Variants in SCN10A observed in about 807,000 individuals in gnomAD.
SCN10A encodes sodium voltage-gated channel alpha subunit 10, also known as sodium channel protein type 10 subunit alpha.
A neutral mutation model predicts 170.7 loss-of-function variants in SCN10A; 162 were observed. That is an observed-to-expected ratio of 0.95 (90% confidence interval 0.84 to 1.08). The LOEUF (loss-of-function observed/expected upper bound fraction) is 1.08. Among genes scored for constraint, SCN10A ranks in the 50% least tolerant of loss-of-function variants. The pLI, the probability that SCN10A is intolerant of heterozygous loss-of-function variation, is 0.00. For synonymous variants in SCN10A, 985 were observed against 904.6 expected, an observed-to-expected ratio of 1.09 and a Z score of -1.59; for missense variants, 2,527 against 2,436.9, an observed-to-expected ratio of 1.04 and a Z score of -0.78.
At chr3:38,737,816 C>CTTTCTTTCTTTCTTTCTTTCTT (rs2063584724) in intron 15 of SCN10A, among the ~76,000 whole-genome samples, 2 of 119,924 alleles carry the variant, frequency 1.7e-5, no homozygotes, top group African/African-American at 3.7e-5. Flanking sequence ...TTCTTTCTTT[C>CTTTCTTTCTTTCTTTCTTTCTT]TTTCTTTCTT....
In SCN10A at chr3:38,749,938, A is replaced by G. The variant is rs1438092765; in HGVS notation, c.1867+135T>C. On this transcript the variant is annotated intron_variant, in intron 13 of 27. Transcript: ENST00000449082. ...GATAAAAGATGGTGGGGCCTAAGACATAAGAATGAGGAGTATTAGGAATTC... is the reference window on the plus strand; with the variant it reads ...GATAAAAGATGGTGGGGCCTAAGACGTAAGAATGAGGAGTATTAGGAATTC... The G allele has an allele frequency of 9.8e-6, 5 of 510,156 alleles. No individual in the cohort carries two copies. The East Asian group carries it at 1.6e-4, about 16-fold the overall frequency. The allele number at this position is 510,156 out of a possible 1,614,324, so 31.6% of individuals were successfully genotyped here. A position where few individuals can be genotyped will look rare whatever the true frequency, so the allele number is the denominator to read the frequency against.
chr3:38,798,495 G>C (rs1280233344), intron 1 of SCN10A, among the ~76,000 whole-genome samples: 1 of 152,178 alleles, frequency 6.6e-6, no homozygotes, highest in African/African-American at 2.4e-5. Context: ...GTTGAATGTA[G>C]TGGGGAAAGC....
At chr3:38,799,817 T>TAAA (rs2064361042) in intron 1 of SCN10A, among the ~76,000 whole-genome samples, 1 of 152,148 alleles carries the variant, frequency 6.6e-6, no homozygotes, top group Middle Eastern at 3.2e-3. Context: ...TTACTTCAAG[T>TAAA]GTGTCTTGCA....
rs1297287837 is a variant in SCN10A at position 38,792,652 on chromosome 3, G to C, written c.271-484C>G. 3.3e-5 allele frequency among the ~76,000 whole-genome samples: 5 copies of C among 152,330 alleles called. No homozygotes were observed. In the East Asian group the frequency reaches 7.7e-4, roughly 24 times the overall value. On this transcript the variant is annotated intron_variant, in intron 2 of 27. Coordinates refer to ENST00000449082, the MANE Select transcript of SCN10A (RefSeq NM_006514.4). ...AGGAGGATATGAACTCTTGGCATGG[G>C]AGAGGAGGAAGAAAGATATTCAGTG...
chr3:38,715,350 C>T (rs556708490), intron 21 of SCN10A, among the ~76,000 whole-genome samples: 1 of 152,118 alleles, frequency 6.6e-6, no homozygotes, highest in Admixed American at 6.5e-5. Flanking sequence ...AGTCTCCAGG[C>T]CCTAGTACTG....
chr3:38,764,337 C>T (rs1394337087), intron 5 of SCN10A, among the ~76,000 whole-genome samples: 1 of 152,136 alleles, frequency 6.6e-6, no homozygotes, highest in Non-Finnish European at 1.5e-5. Context: ...GTACACTGTA[C>T]CCAGTGTGTA....
rs770705124 is a variant in SCN10A, at chr3:38,714,004, C to T, written c.3758G>A (p.Arg1253His). 28 of 1,613,960 alleles carry T rather than the reference C, an allele frequency of 1.7e-5. No individual in the cohort carries two copies. The highest frequency in any genetic ancestry group is 4.5e-5 in the East Asian group (2 of 44,884). ...AAGAGCCCGCAGTGGCCGCAGAGCGCGAAGGGTTCGAAGGGCTTTGATGGG... is the reference window on the plus strand; with the variant it reads ...AAGAGCCCGCAGTGGCCGCAGAGCGTGAAGGGTTCGAAGGGCTTTGATGGG... ...VAPIKALRTL[R>H]ALRPLRALSR... Residue 1253 changes from arginine (R) to histidine (H), a missense_variant, in exon 22 of 28, where the codon CGC becomes CAC. Physicochemically the swap from Arg to His is conservative, Grantham distance 29. Coordinates refer to ENST00000449082, the MANE Select transcript of SCN10A (RefSeq NM_006514.4).
rs79217981 is a variant in SCN10A, at chr3:38,721,343, T to C, written c.3507+915A>G. Among the ~76,000 whole-genome samples, 446 of 152,300 alleles carry C rather than the reference T, an allele frequency of 2.9e-3. 12 individuals are homozygous for C. In the East Asian group the frequency reaches 0.079, roughly 27 times the overall value. The stretch of plus-strand genomic sequence containing the variant: ...TAATTAGCTGCCACCCTGAACTCTC[T>C]ATTCCCAGCCCTTCAACTAATTACC... On this transcript the variant is annotated intron_variant, in intron 20 of 27. Transcript: ENST00000449082.
At position 38,742,396 on chromosome 3, in the gene SCN10A, T is replaced by A; in HGVS notation, c.2001A>T (p.Ala667=). 1.2e-6 allele frequency: 2 copies of A among 1,614,180 alleles called. No individual in the cohort carries two copies. Among genetic ancestry groups the A allele is most frequent in the Non-Finnish European group, 1.7e-6 (2 of 1,180,022 alleles). Residue 667 remains alanine, a synonymous_variant, in exon 14 of 28, where the codon GCA becomes GCT. Coordinates refer to ENST00000449082, the MANE Select transcript of SCN10A (RefSeq NM_006514.4). ...CGATGCACAAGGTGATGGTGAGCTC[T>A]GCAAAGGGATCCGTCACAAGCCCAA... ...ILFGLVTDPF[A]ELTITLCIVV...
At chr3:38,717,859 A>G (rs746281239) in intron 21 of SCN10A, among the ~76,000 whole-genome samples, 2 of 152,246 alleles carry the variant, frequency 1.3e-5, no homozygotes, top group Non-Finnish European at 2.9e-5. Context: ...CAAAGCAAAG[A>G]AGGTAGTGGC....
intron 21 of SCN10A, among the ~76,000 whole-genome samples, chr3:38,716,224 A>G (rs2063332514): frequency 6.6e-6 from 1 of 152,092 alleles, no homozygotes; most frequent in Non-Finnish European, 1.5e-5. Flanking sequence ...ATCTTATAAC[A>G]TCATTTTGTA....
In SCN10A at chr3:38,725,186, C is replaced by T. The variant is rs1403342008; in HGVS notation, c.3216G>A (p.Gln1072=). The T allele has an allele frequency of 6.3e-7, 1 of 1,599,776 alleles. No homozygotes were observed. Among genetic ancestry groups the T allele is most frequent in the Non-Finnish European group, 8.6e-7 (1 of 1,169,124 alleles). The part of the protein sequence containing the change: ...GETWKDESVP[Q]VPAEGVDDTS... Reference sequence around the variant, plus strand: ...CTGACATACCTACCTCAGCAGGGACCTGAGGAACAGACTCATCTTTCCACG... The same window carrying T: ...CTGACATACCTACCTCAGCAGGGACTTGAGGAACAGACTCATCTTTCCACG... The change falls in exon 18 of 28, where the codon CAG becomes CAA. Residue 1072 remains glutamine (Q), a synonymous_variant. Transcript: ENST00000449082.
chr3:38,787,209 A>G (rs2064215962), intron 4 of SCN10A, among the ~76,000 whole-genome samples: 1 of 152,154 alleles, frequency 6.6e-6, no homozygotes, highest in African/African-American at 2.4e-5. Context: ...CACAATACTT[A>G]TTATAATTTT....
intron 5 of SCN10A, among the ~76,000 whole-genome samples, chr3:38,770,613 C>A (rs140788096): frequency 6.6e-6 from 1 of 152,244 alleles, no homozygotes; most frequent in East Asian, 1.9e-4. Flanking sequence ...CCTACTCAGA[C>A]CTTGCCCCAG....
chr3:38,773,365 G>A (rs993231600), intron 4 of SCN10A, among the ~76,000 whole-genome samples: 2 of 152,050 alleles, frequency 1.3e-5, no homozygotes, highest in Admixed American at 6.6e-5. Context: ...GCGATCCAGG[G>A]AAGAGGCAAA....
chr3:38,709,673 C>G, intron 24 of SCN10A, 58 bp from the exon 25 acceptor site: 1 of 1,461,952 alleles, frequency 6.8e-7, no homozygotes, highest in Non-Finnish European at 9.1e-7. Flanking sequence ...CAGGTTCACT[C>G]TGAAAGCCAA....
chr3:38,771,549 A>G, intron 4 of SCN10A, 142 bp from the exon 5 acceptor site: 1 of 793,858 alleles, frequency 1.3e-6, no homozygotes, highest in Non-Finnish European at 2.0e-6. Flanking sequence ...GATGAGGGGG[A>G]AGAAGGTAAG....
At chr3:38,712,137 T>C (rs767293664) in intron 23 of SCN10A, 24 bp downstream of exon 23, 7 of 1,610,860 alleles carry the variant, frequency 4.3e-6, no homozygotes, top group Middle Eastern at 1.7e-4. Context: ...GCAAGAGATA[T>C]GGTTGATCTC....
chr3:38,698,005 C>T lies in SCN10A; in HGVS notation c.5215G>A (p.Asp1739Asn). 1 of 1,614,162 alleles carries T rather than the reference C, an allele frequency of 6.2e-7. No homozygotes were observed. The highest frequency in any genetic ancestry group is 8.5e-7 in the Non-Finnish European group (1 of 1,180,038). The part of the protein sequence containing the change: ...TEESTEPLSE[D>N]DFDMFYETWE... Reference sequence around the variant, plus strand: ...GTCTCATAGAACATGTCAAAGTCGTCCTCACTCAGGGGCTCAGTGCTCTCC... The same window carrying T: ...GTCTCATAGAACATGTCAAAGTCGTTCTCACTCAGGGGCTCAGTGCTCTCC... Residue 1739 changes from aspartate (D) to asparagine (N), a missense_variant, in exon 28 of 28, where the codon GAC becomes AAC. Asp to Asn is a conservative substitution (Grantham distance 23, BLOSUM62 1). Coordinates refer to ENST00000449082, the MANE Select transcript of SCN10A (RefSeq NM_006514.4).
Sources: allele counts gnomAD v4.1 joint callset (sites outside exome capture counted in the v4.1 genomes callset), GRCh38; gene constraint gnomAD v4.1.1; transcripts MANE v1.5; gene names NCBI Gene and HGNC (gene_info 2026-07-23, HGNC 2026-07-21).